The following HAVCR1 variants were observed in gnomAD, a reference collection of about 807,000 sequenced individuals.
HAVCR1 encodes the protein T cell immunoglobin domain and mucin domain protein 1.
A neutral mutation model predicts 32.0 loss-of-function variants in HAVCR1; 34 were observed. The ratio of observed to expected loss-of-function variants is 1.06; its 90% CI spans 0.81 to 1.42. The LOEUF (loss-of-function observed/expected upper bound fraction) is 1.42. Among genes scored for constraint, HAVCR1 ranks in the 40% most tolerant of loss-of-function variants. HAVCR1 has a pLI of 0.00. For synonymous variants in HAVCR1, 178 were observed against 170.3 expected (o/e 1.05, Z -0.35); for missense variants, 420 against 442.3 (o/e 0.95, Z 0.45).
chr5:157,043,903 G>A (rs1301039934), intron 5 of HAVCR1, among the ~76,000 whole-genome samples: 3 of 152,184 alleles, frequency 2.0e-5, no homozygotes, highest in Non-Finnish European at 4.4e-5. Flanking sequence ...TCTATCAAAT[G>A]GAAATACTTA....
chr5:157,036,275 G>A (rs188572839), intron 7 of HAVCR1, among the ~76,000 whole-genome samples: 153 of 152,240 alleles, frequency 1.0e-3, no homozygotes, highest in African/African-American at 3.3e-3. Flanking sequence ...TCAGGAGATC[G>A]AGACCATCCT....
chr5:157,048,178 T>G (rs1755520642), intron 5 of HAVCR1, among the ~76,000 whole-genome samples: 1 of 152,200 alleles, frequency 6.6e-6, no homozygotes. Context: ...GGAAGCCTCC[T>G]GGTACTTTTT....
chr5:157,063,958 AGAGC>A (rs1393132960), upstream of HAVCR1, among the ~76,000 whole-genome samples: 3 of 152,246 alleles, frequency 2.0e-5, no homozygotes, highest in Admixed American at 6.5e-5. Flanking sequence ...TGACTGCAAC[AGAGC>A]GAGGGACAGG....
the HAVCR1 span, among the ~76,000 whole-genome samples, chr5:157,065,056 G>A: frequency 2.0e-5 from 3 of 152,082 alleles, no homozygotes; most frequent in East Asian, 1.9e-4. Context: ...GGCTGGGTGC[G>A]GTGGCTCACG....
chr5:157,030,430 C>T (rs1323221527), intron 8 of HAVCR1, among the ~76,000 whole-genome samples: 4 of 152,190 alleles, frequency 2.6e-5, no homozygotes, highest in African/African-American at 9.7e-5. Flanking sequence ...TTTTGGGAGG[C>T]CATGGCAGGA....
In HAVCR1 at chr5:157,055,227, A is replaced by C. The variant is rs1756040130; in HGVS notation, c.353T>G (p.Ile118Ser). The change falls in exon 3 of 9, where the codon ATC becomes AGC. Residue 118 changes from isoleucine (I) to serine (S), a missense_variant. Transcript: ENST00000523175. ...EHRGWFNDMK[I>S]TVSLEIVPPK... ...TGGCACAATCTCCAATGATACGGTG[A>C]TTTTCATGTCATTGAACCACCCACG... is the stretch of plus-strand genomic sequence containing the variant. 9 of 1,570,848 alleles carry C rather than the reference A, an allele frequency of 5.7e-6. No homozygotes were observed. The highest frequency in any genetic ancestry group is 7.0e-6 in the Non-Finnish European group (8 of 1,148,374).
In HAVCR1 at chr5:157,055,490, T is replaced by C. The variant is rs759667556; in HGVS notation, c.90A>G (p.Pro30=). 1.2e-6 allele frequency: 2 copies of C among 1,600,196 alleles called. No individual in the cohort carries two copies. Among genetic ancestry groups the C allele is most frequent in the Non-Finnish European group, 1.7e-6 (2 of 1,171,316 alleles). Residue 30 remains proline, a synonymous_variant, in exon 3 of 9, where the codon CCA becomes CCG. Coordinates refer to ENST00000523175, the MANE Select transcript of HAVCR1 (RefSeq NM_001173393.3). ...TGTAGTGGCAGGGTAGTGTGACAGA[T>C]GGACCTGCCTCTCCACCAACCTTTA... The part of the protein sequence containing the change: ...GSVKVGGEAG[P]SVTLPCHYSG...
rs574576053 is a variant in HAVCR1 at position 157,049,199 on chromosome 5, C to T, written c.674-54G>A. On this transcript the variant is annotated intron_variant, in intron 4 of 8. Transcript: ENST00000523175. ...CCATTTGTGGAGGAAAATGTGCACC[C>T]CAAGAAAAATAAAGAACAAAACTAG... 34 of 1,095,522 alleles carry T rather than the reference C, an allele frequency of 3.1e-5. No individual in the cohort carries two copies. The South Asian group carries it at 4.1e-4, about 13-fold the overall frequency. 67.9% of individuals were successfully genotyped at this position (1,095,522 alleles called of 1,614,324 possible).
chr5:157,040,782 C>T (rs1387467651), intron 6 of HAVCR1, among the ~76,000 whole-genome samples: 1 of 152,130 alleles, frequency 6.6e-6, no homozygotes, highest in Non-Finnish European at 1.5e-5. Context: ...CGCCTATAAT[C>T]CCAGCTACTG....
At position 157,037,289 on chromosome 5, in the gene HAVCR1, C is replaced by G; in HGVS notation, c.910G>C (p.Val304Leu). Residue 304 changes from valine to leucine, a missense_variant, in exon 7 of 9, where the codon GTC (valine) becomes CTC (leucine). Val to Leu is a conservative substitution (Grantham distance 32, BLOSUM62 1). Coordinates refer to ENST00000523175, the MANE Select transcript of HAVCR1 (RefSeq NM_001173393.3). ...CCCAAAAGAGCAAGAAGCACCAAGA[C>G]AGAAATACAGACTCCAGCATAGATT... ...KGIYAGVCIS[V>L]LVLLALLGVI... The G allele has an allele frequency of 2.5e-6, 4 of 1,606,762 alleles. No homozygotes were observed. Among genetic ancestry groups the G allele is most frequent in the Non-Finnish European group, 2.6e-6 (3 of 1,173,302 alleles).
the HAVCR1 span, among the ~76,000 whole-genome samples, chr5:157,068,273 C>G: frequency 2.1e-4 from 31 of 149,736 alleles, no homozygotes; most frequent in African/African-American, 7.4e-4. Flanking sequence ...GATTCTGTCT[C>G]AAAAAGCAAA....
chr5:157,057,445 AAGAAAGAAAGAAAGAAAG>A (rs1172632654), intron 2 of HAVCR1, among the ~76,000 whole-genome samples: 1 of 127,288 alleles, frequency 7.9e-6, no homozygotes, highest in Admixed American at 7.7e-5. Context: ...GAAAGAAAGA[AAGAAAGAAAGAAAGAAAG>A]AGAATTGAAT....
In HAVCR1 at chr5:157,052,459, G is replaced by T; in HGVS notation, c.575C>A (p.Thr192Lys). Residue 192 changes from threonine (T) to lysine (K), a missense_variant, in exon 4 of 9, where the codon ACG becomes AAG. Transcript: ENST00000523175. ...MTVSTTTSVP[T>K]TTSIPTTTSV... is the part of the protein sequence containing the mutation. ...TGTTGTTGTTGGAATGCTCGTTGTCGTTGGAACGCTCGTTGTCGTTGAAAC... is the reference window on the plus strand; with the variant it reads ...TGTTGTTGTTGGAATGCTCGTTGTCTTTGGAACGCTCGTTGTCGTTGAAAC... 2 of 1,604,268 alleles carry T rather than the reference G, an allele frequency of 1.2e-6. No homozygotes were observed. Among genetic ancestry groups the T allele is most frequent in the Non-Finnish European group, 1.7e-6 (2 of 1,174,136 alleles).
chr5:157,036,874 G>T (rs1258197316), intron 7 of HAVCR1, among the ~76,000 whole-genome samples: 2 of 149,400 alleles, frequency 1.3e-5, no homozygotes, highest in African/African-American at 2.5e-5. Context: ...TGTTTGTTTT[G>T]TTTTGCTTTT....
chr5:157,051,327 T>C (rs558762257), intron 4 of HAVCR1, among the ~76,000 whole-genome samples: 19 of 152,252 alleles, frequency 1.2e-4, no homozygotes, highest in South Asian at 4.1e-4. Context: ...GAAGTAAAAA[T>C]GTGTAAGTCA....
chr5:157,046,602 G>A (rs1755410235), intron 5 of HAVCR1, among the ~76,000 whole-genome samples: 1 of 152,148 alleles, frequency 6.6e-6, no homozygotes, highest in African/African-American at 2.4e-5. Context: ...TGATAAGATA[G>A]CTTAGATTGG....
rs776529281 is a variant in HAVCR1 at position 157,052,608 on chromosome 5, C to T, written c.426G>A (p.Thr142=). 6.2e-6 allele frequency: 10 copies of T among 1,612,738 alleles called. No individual in the cohort carries two copies. Among genetic ancestry groups the T allele is most frequent in the African/African-American group, 1.3e-5 (1 of 74,874 alleles). ...TPIVTTVPTV[T]TVRTSTTVPT... ...GAACAGTGGTGCTCGTTCGAACAGT[C>T]GTGACGGTTGGAACAGTTGTGACAA... Residue 142 remains threonine, a synonymous_variant, in exon 4 of 9, where the codon ACG becomes ACA. Transcript: ENST00000523175.
chr5:157,034,847 C>T (rs2113490964), intron 7 of HAVCR1, among the ~76,000 whole-genome samples: 1 of 152,254 alleles, frequency 6.6e-6, no homozygotes, highest in Admixed American at 6.5e-5. Flanking sequence ...TCTGCGAGCA[C>T]AGGGTTGGGG....
At chr5:157,032,705 G>A in intron 8 of HAVCR1, 149 bp downstream of exon 8, 1 of 633,552 alleles carries the variant, frequency 1.6e-6, no homozygotes, top group East Asian at 2.8e-5. Flanking sequence ...AAATATCACT[G>A]GAAGGTGTAA....
Sources: allele counts gnomAD v4.1 joint callset (sites outside exome capture counted in the v4.1 genomes callset), GRCh38; gene constraint gnomAD v4.1.1; transcripts MANE v1.5; gene names NCBI Gene and HGNC (gene_info 2026-07-23, HGNC 2026-07-21).